Variants in SNAP91 observed in about 807,000 individuals in gnomAD.
The protein encoded by SNAP91 is synaptosome associated protein 91, also known as clathrin coat assembly protein AP180.
A neutral mutation model predicts 100.3 loss-of-function variants in SNAP91; 27 were observed. The observed-to-expected ratio is 0.27, with a 90% CI of 0.20 to 0.37. The LOEUF is 0.37. Among genes scored for constraint, SNAP91 ranks in the 10% least tolerant of loss-of-function variants. The probability of loss-of-function intolerance (pLI) is 1.00; values close to 1 mark genes in which losing one functional copy is unlikely to be tolerated. For missense variants in SNAP91, 986 were observed against 1,123.7 expected (o/e 0.88, Z 1.75); for synonymous variants, 404 against 398.6 (o/e 1.01, Z -0.16).
At chr6:83,669,883 T>A (rs1441913456) in intron 2 of SNAP91, among the ~76,000 whole-genome samples, 1 of 152,036 alleles carries the variant, frequency 6.6e-6, no homozygotes, top group Non-Finnish European at 1.5e-5. Flanking sequence ...AAATTATTTA[T>A]TCATTCACCT....
intron 6 of SNAP91, among the ~76,000 whole-genome samples, chr6:83,658,062 G>A (rs559032265): frequency 1.1e-4 from 16 of 151,766 alleles, no homozygotes; most frequent in South Asian, 2.1e-4. Context: ...GATTACAGGC[G>A]TGAGCCATGC....
chr6:83,558,759 G>C (rs543547704), intron 28 of SNAP91, among the ~76,000 whole-genome samples: 1 of 152,150 alleles, frequency 6.6e-6, no homozygotes, highest in African/African-American at 2.4e-5. Context: ...ATATATTTGA[G>C]CTATTTGCTC....
At chr6:83,591,621 A>G (rs2093760383) in intron 21 of SNAP91, among the ~76,000 whole-genome samples, 1 of 152,214 alleles carries the variant, frequency 6.6e-6, no homozygotes, top group Non-Finnish European at 1.5e-5. Context: ...AAGGTAATAA[A>G]ACAGAATTTT....
intron 6 of SNAP91, 116 bp downstream of exon 6, chr6:83,658,883 T>G: frequency 1.4e-6 from 1 of 740,254 alleles, no homozygotes; most frequent in East Asian, 2.7e-5. Flanking sequence ...TAAGTATTCA[T>G]CTAAATGAAG....
intron 22 of SNAP91, among the ~76,000 whole-genome samples, chr6:83,586,913 C>G (rs188548677): frequency 2.2e-4 from 34 of 151,572 alleles, no homozygotes; most frequent in Admixed American, 3.3e-4. Context: ...TTTCACTATA[C>G]TGCATGCACC....
At chr6:83,599,380 C>T (rs914696806) in intron 16 of SNAP91, among the ~76,000 whole-genome samples, 1 of 152,176 alleles carries the variant, frequency 6.6e-6, no homozygotes, top group Non-Finnish European at 1.5e-5. Flanking sequence ...TATTATGCAT[C>T]CTGTCCATAT....
intron 26 of SNAP91, among the ~76,000 whole-genome samples, chr6:83,563,064 A>G (rs1562103930): frequency 6.6e-6 from 1 of 152,220 alleles, no homozygotes; most frequent in East Asian, 1.9e-4. Context: ...AATAAACAAC[A>G]CAAGTTAGAC....
chr6:83,632,339 C>T (rs1219702863), intron 8 of SNAP91, among the ~76,000 whole-genome samples: 1 of 152,124 alleles, frequency 6.6e-6, no homozygotes, highest in African/African-American at 2.4e-5. Context: ...TTCATCCTAA[C>T]ATTAGACAAC....
At chr6:83,610,333 TAAGTGA>T (rs949568357) in intron 12 of SNAP91, among the ~76,000 whole-genome samples, 1 of 151,810 alleles carries the variant, frequency 6.6e-6, no homozygotes, top group African/African-American at 2.4e-5. Flanking sequence ...GAAGATATGC[TAAGTGA>T]AATAAACCAG....
At chr6:83,592,580 G>T (rs1193370963) in intron 20 of SNAP91, 42 bp from the exon 21 acceptor site, 4 of 1,511,102 alleles carry the variant, frequency 2.6e-6, no homozygotes, top group African/African-American at 1.4e-5. Flanking sequence ...TGTCACCCAA[G>T]GGAAAAGAAA....
At chr6:83,572,408 T>C (rs1809745635) in intron 26 of SNAP91, among the ~76,000 whole-genome samples, 1 of 150,432 alleles carries the variant, frequency 6.6e-6, no homozygotes, top group South Asian at 2.1e-4. Context: ...CACCATGGCT[T>C]GCAAAGTTTT....
intron 16 of SNAP91, among the ~76,000 whole-genome samples, chr6:83,600,272 G>A (rs2095025025): frequency 6.6e-6 from 1 of 152,188 alleles, no homozygotes; most frequent in Admixed American, 6.5e-5. Context: ...AGAGACTGGA[G>A]CATGGCATGT....
At chr6:83,651,338 G>A (rs34878649) in intron 7 of SNAP91, among the ~76,000 whole-genome samples, 28,197 of 152,014 alleles carry the variant, frequency 0.19, 3,332 homozygotes, top group South Asian at 0.29. Context: ...AAGCTTAGGT[G>A]ACTGATTTTA....
At chr6:83,617,598 A>C (rs939759862) in intron 9 of SNAP91, among the ~76,000 whole-genome samples, 1 of 151,408 alleles carries the variant, frequency 6.6e-6, no homozygotes, top group South Asian at 2.1e-4. Flanking sequence ...CTATTTATAT[A>C]TAAAAATATA....
chr6:83,673,426 G>T (rs1350155059), intron 2 of SNAP91, among the ~76,000 whole-genome samples: 1 of 152,104 alleles, frequency 6.6e-6, no homozygotes, highest in Non-Finnish European at 1.5e-5. Flanking sequence ...ACCAAAACCT[G>T]ACTATGCTGG....
chr6:83,608,334 A>G (rs1406021720), intron 12 of SNAP91, among the ~76,000 whole-genome samples: 1 of 152,216 alleles, frequency 6.6e-6, no homozygotes, highest in Non-Finnish European at 1.5e-5. Context: ...TTTTGAAGAT[A>G]TCATGACTAT....
At chr6:83,612,243 T>C (rs1415378927) in intron 11 of SNAP91, among the ~76,000 whole-genome samples, 1 of 152,160 alleles carries the variant, frequency 6.6e-6, no homozygotes, top group Non-Finnish European at 1.5e-5. Flanking sequence ...TACCTTTATC[T>C]ATACTGTCCG....
intron 2 of SNAP91, among the ~76,000 whole-genome samples, chr6:83,699,407 A>C (rs2099263465): frequency 6.6e-6 from 1 of 152,292 alleles, no homozygotes; most frequent in South Asian, 2.1e-4. Flanking sequence ...AAAGTAAAAA[A>C]CCAAGAATGC....
Position 83,593,550 on chromosome 6 carries a change from C to T in SNAP91, c.1624G>A (p.Ala542Thr), listed in dbSNP as rs750125342. The T allele has an allele frequency of 1.3e-5, 20 of 1,552,678 alleles. No individual in the cohort carries two copies. The highest frequency in any genetic ancestry group is 1.7e-4 in the Middle Eastern group (1 of 6,012). ...GAGGTGGTGGTAGTGGTGGTGGCAG[C>T]GGCGGTGGCAGCAGTAGTGGCAGCA... ...AAAATTAATA[A>T]ATTTTTTSAA... Residue 542 changes from alanine (A) to threonine (T), a missense_variant, in exon 18 of 30, where the codon GCT (alanine) becomes ACT (threonine). By Grantham distance (58) the Ala-to-Thr change is moderately conservative (BLOSUM62 0). Around this residue, in one of 4 missense-constraint regions of SNAP91, gnomAD observed 575 missense variants for 579.9 expected, o/e 0.99. Transcript: ENST00000369694.
Sources: gnomAD v4.1 joint callset for allele counts (sites outside exome capture counted in the v4.1 genomes callset) on GRCh38, gnomAD v4.1.1 for gene constraint, gnomAD v4.1.1 regional missense constraint, MANE v1.5 for transcripts, NCBI Gene and HGNC (gene_info 2026-07-23, HGNC 2026-07-21) for gene names.